Variants in TMCO5A observed in about 807,000 individuals in gnomAD.
TMCO5A encodes transmembrane and coiled-coil domain-containing protein 5A.
In TMCO5A, 34 loss-of-function variants were observed where a neutral mutation model predicts 42.3. The ratio of observed to expected loss-of-function variants is 0.80; its 90% CI spans 0.61 to 1.07. TMCO5A has a LOEUF of 1.07. Among genes scored for constraint, TMCO5A ranks in the 50% least tolerant of loss-of-function variants. The probability of loss-of-function intolerance (pLI) is 0.00; values close to 1 mark genes in which losing one functional copy is unlikely to be tolerated. For synonymous variants in TMCO5A, 131 were observed against 115.6 expected, an observed-to-expected ratio of 1.13 and a Z score of -0.86; for missense variants, 357 against 327.9, an observed-to-expected ratio of 1.09 and a Z score of -0.69.
chr15:38,031,093 A>G, the TMCO5A span, among the ~76,000 whole-genome samples: 2 of 152,198 alleles, frequency 1.3e-5, no homozygotes, highest in African/African-American at 4.8e-5. Flanking sequence ...ATTAGCATAT[A>G]AACACCCAGG....
At chr15:38,005,929 G>C in the TMCO5A span, among the ~76,000 whole-genome samples, 6 of 152,182 alleles carry the variant, frequency 3.9e-5, no homozygotes, top group Non-Finnish European at 7.3e-5. Flanking sequence ...GTTTGGCTTA[G>C]GCTGAACATT....
chr15:37,978,865 G>A, the TMCO5A span, among the ~76,000 whole-genome samples: 2 of 152,142 alleles, frequency 1.3e-5, no homozygotes, highest in African/African-American at 2.4e-5. Flanking sequence ...GGAGGCCTCA[G>A]GGAGCTTTGA....
the TMCO5A span, among the ~76,000 whole-genome samples, chr15:37,983,719 G>GTTT: frequency 4.4e-3 from 606 of 138,960 alleles, 6 homozygotes; most frequent in African/African-American, 0.015. Context: ...TCTTTTTACT[G>GTTT]TTTTTTTTTT....
chr15:38,025,310 AC>A, the TMCO5A span, among the ~76,000 whole-genome samples: 201 of 151,912 alleles, frequency 1.3e-3, 5 homozygotes, highest in South Asian at 0.04. Flanking sequence ...AGACAGAGTA[AC>A]CTTTTTGGGG....
At chr15:38,013,612 T>C in the TMCO5A span, among the ~76,000 whole-genome samples, 1 of 152,194 alleles carries the variant, frequency 6.6e-6, no homozygotes, top group Non-Finnish European at 1.5e-5. Flanking sequence ...GTCACCTTAG[T>C]ATTGCTTCAC....
the TMCO5A span, among the ~76,000 whole-genome samples, chr15:37,974,022 T>C: frequency 9.2e-5 from 14 of 152,340 alleles, no homozygotes; most frequent in Admixed American, 1.3e-4. Flanking sequence ...GAAATGATCA[T>C]GTGGTTTTGG....
chr15:37,985,631 A>G, the TMCO5A span, among the ~76,000 whole-genome samples: 6 of 152,206 alleles, frequency 3.9e-5, no homozygotes, highest in Non-Finnish European at 2.9e-5. Context: ...GACACTTCTC[A>G]GAGAACCATG....
chr15:37,942,547 G>A (rs114112838), intron 9 of TMCO5A: 2,736 of 265,518 alleles, frequency 0.01, 82 homozygotes, highest in African/African-American at 0.056. Flanking sequence ...ATGTACTTTA[G>A]AAAGAGTTGG....
the TMCO5A span, among the ~76,000 whole-genome samples, chr15:38,011,968 CA>C: frequency 2.6e-5 from 4 of 151,932 alleles, no homozygotes; most frequent in Non-Finnish European, 5.9e-5. Context: ...ACTGAAAATA[CA>C]AAAAAGTAGC....
chr15:37,940,328 G>A (rs1345855113), intron 6 of TMCO5A, among the ~76,000 whole-genome samples: 1 of 152,010 alleles, frequency 6.6e-6, no homozygotes, highest in Admixed American at 6.6e-5. Context: ...TTTCCCTTAT[G>A]CTCTGGCCAC....
chr15:37,957,312 C>G (rs1462589475), intron 11 of TMCO5A, among the ~76,000 whole-genome samples: 1 of 152,162 alleles, frequency 6.6e-6, no homozygotes, highest in Non-Finnish European at 1.5e-5. Context: ...TCTGTGTTTG[C>G]ACATGACATG....
intron 6 of TMCO5A, among the ~76,000 whole-genome samples, chr15:37,939,779 A>G (rs975172576): frequency 6.6e-6 from 1 of 152,054 alleles, no homozygotes; most frequent in Non-Finnish European, 1.5e-5. Flanking sequence ...CAGCAGCTTA[A>G]TGGGGTGCCT....
exon 12 of TMCO5A, chr15:37,966,852 C>T: frequency 3.3e-6 from 2 of 604,200 alleles, no homozygotes; most frequent in East Asian, 2.8e-5. Flanking sequence ...ATATGTTCAG[C>T]CCCTTACTAA....
chr15:38,019,965 T>G, the TMCO5A span, among the ~76,000 whole-genome samples: 1 of 139,996 alleles, frequency 7.1e-6, no homozygotes, highest in African/African-American at 2.8e-5. Context: ...GCATCAGAGG[T>G]TTTTTTTTTT....
the TMCO5A span, among the ~76,000 whole-genome samples, chr15:38,011,660 C>T: frequency 2.6e-5 from 4 of 152,036 alleles, no homozygotes; most frequent in African/African-American, 9.7e-5. Context: ...GAATGCAGGA[C>T]TGTTAATAGA....
At position 37,937,425 on chromosome 15, in the gene TMCO5A, G is replaced by A. The variant is rs368164163; in HGVS notation, c.315+29G>A. 3.0e-5 allele frequency: 49 copies of A among 1,611,686 alleles called. No individual in the cohort carries two copies. The South Asian group carries it at 3.4e-4, about 11-fold the overall frequency. ...AGGTAGGGTACTTGTGTTCTCCAGT[G>A]CCCCCACAACAGCCCCATTCATCAA... On this transcript the variant is annotated intron_variant, in intron 5 of 11. Transcript: ENST00000319669.
the TMCO5A span, among the ~76,000 whole-genome samples, chr15:38,030,352 C>T: frequency 2.6e-5 from 4 of 152,198 alleles, no homozygotes; most frequent in East Asian, 5.8e-4. Flanking sequence ...ACTTCTTCAT[C>T]GCCCAACAGA....
Position 37,936,299 on chromosome 15 carries a change from G to A in TMCO5A, c.-10-15G>A. ...GATAACTGGCCCTTGTTCATTTTGG[G>A]GGCTGAGTCTATAGGTCGGAGAAAA... is the stretch of plus-strand genomic sequence containing the variant. On this transcript the variant is annotated splice_polypyrimidine_tract_variant and intron_variant, in intron 2 of 11. Coordinates refer to ENST00000319669, the MANE Select transcript of TMCO5A (RefSeq NM_152453.4). 4 of 1,594,958 alleles carry A rather than the reference G, an allele frequency of 2.5e-6. No individual in the cohort carries two copies. In the South Asian group the frequency reaches 3.4e-5, roughly 14 times the overall value.
the TMCO5A span, among the ~76,000 whole-genome samples, chr15:38,004,392 C>T: frequency 6.6e-6 from 1 of 152,104 alleles, no homozygotes; most frequent in African/African-American, 2.4e-5. Context: ...CTGGCCACCC[C>T]ATCTGGTCAT....
Sources: gnomAD v4.1 joint callset for allele counts (sites outside exome capture counted in the v4.1 genomes callset) on GRCh38, gnomAD v4.1.1 for gene constraint, MANE v1.5 for transcripts, NCBI Gene and HGNC (gene_info 2026-07-23, HGNC 2026-07-21) for gene names.